The following NDRG2 variants were observed in gnomAD, a reference collection of about 807,000 sequenced individuals.
The protein encoded by NDRG2 is protein NDRG2.
In NDRG2, 34 loss-of-function variants were observed where a neutral mutation model predicts 58.2. The ratio of observed to expected loss-of-function variants is 0.58; its 90% CI spans 0.44 to 0.78. The LOEUF is 0.78. NDRG2 is among the 30% of genes least tolerant of loss of function. The probability of loss-of-function intolerance (pLI) is 0.00; values close to 1 mark genes in which losing one functional copy is unlikely to be tolerated. For synonymous variants in NDRG2, 187 were observed against 175.9 expected (o/e 1.06, Z -0.50); for missense variants, 434 against 471.2 (o/e 0.92, Z 0.73).
At chr14:21,063,771 TG>T (rs1319921540) in intron 1 of NDRG2, among the ~76,000 whole-genome samples, 4 of 152,218 alleles carry the variant, frequency 2.6e-5, no homozygotes, top group African/African-American at 7.2e-5. Flanking sequence ...AGCAAAGGGC[TG>T]GGGGTAGGAA....
intron 1 of NDRG2, among the ~76,000 whole-genome samples, chr14:21,068,604 G>A (rs1335312048): frequency 6.6e-6 from 1 of 152,050 alleles, no homozygotes; most frequent in Non-Finnish European, 1.5e-5. Flanking sequence ...CAGTATTTAC[G>A]GAATGGACAC....
rs1188953007 is a variant in NDRG2, at chr14:21,034,106, G to T, written c.25-10785C>A. 3.1e-6 allele frequency: 5 copies of T among 1,614,054 alleles called. 1 individual carries two copies. Among genetic ancestry groups the T allele is most frequent in the Middle Eastern group, 3.3e-4 (2 of 6,084 alleles). On this transcript the variant is annotated intron_variant, in intron 1 of 14. Transcript: ENST00000403829. ...TTGGGCAATCTGAATTTTGCATCTT[G>T]CCTCGCATATAGGACATCAGACCAT...
intron 1 of NDRG2, chr14:21,036,109 A>C: frequency 2.2e-6 from 1 of 445,414 alleles, no homozygotes; most frequent in Non-Finnish European, 4.5e-6. Context: ...CCTCAGTATG[A>C]GCCTGAGTCC....
At chr14:21,042,007 T>C (rs1038694714) in intron 1 of NDRG2, among the ~76,000 whole-genome samples, 2 of 152,206 alleles carry the variant, frequency 1.3e-5, no homozygotes, top group Non-Finnish European at 2.9e-5. Context: ...ACCACAGTGA[T>C]TGACTCTTCC....
intron 1 of NDRG2, chr14:21,031,034 A>T: frequency 6.2e-7 from 1 of 1,611,262 alleles, no homozygotes; most frequent in South Asian, 1.1e-5. Context: ...CCGAACCATC[A>T]CGTTTCAACA....
chr14:21,054,011 C>T (rs1594512168), intron 1 of NDRG2, among the ~76,000 whole-genome samples: 1 of 152,274 alleles, frequency 6.6e-6, no homozygotes, highest in African/African-American at 2.4e-5. Flanking sequence ...TACCACTAGA[C>T]TATTTTAACT....
chr14:21,046,951 G>A (rs1246555580), intron 1 of NDRG2: 1 of 152,478 alleles, frequency 6.6e-6, no homozygotes, highest in South Asian at 2.0e-4. Flanking sequence ...GAAGGAAGAG[G>A]AGGGGTTGGT....
intron 1 of NDRG2, chr14:21,032,977 G>A (rs1030772886): frequency 4.6e-5 from 21 of 456,134 alleles, no homozygotes; most frequent in Middle Eastern, 6.6e-4. Context: ...GATTAGAGCC[G>A]GGCCTGCCTC....
intron 1 of NDRG2, chr14:21,046,802 T>C (rs373951816): frequency 3.3e-5 from 5 of 151,676 alleles, no homozygotes; most frequent in Admixed American, 1.3e-4. Flanking sequence ...ATTCCTACAA[T>C]AAAGTAAGCT....
At chr14:21,050,800 A>G (rs1030102696) in intron 1 of NDRG2, among the ~76,000 whole-genome samples, 3 of 152,236 alleles carry the variant, frequency 2.0e-5, no homozygotes, top group Non-Finnish European at 2.9e-5. Context: ...ATTAGGAAAT[A>G]GTCACTGAAG....
At chr14:21,065,914 C>A (rs1886238738) in intron 1 of NDRG2, among the ~76,000 whole-genome samples, 1 of 152,170 alleles carries the variant, frequency 6.6e-6, no homozygotes, top group South Asian at 2.1e-4. Flanking sequence ...GCCTGGCCAA[C>A]ATGGTGAAAC....
intron 1 of NDRG2, among the ~76,000 whole-genome samples, chr14:21,039,480 A>T (rs1243829104): frequency 6.6e-6 from 1 of 152,170 alleles, no homozygotes; most frequent in African/African-American, 2.4e-5. Flanking sequence ...CTCCTGAACC[A>T]GTCCCTGGCC....
chr14:21,045,860 G>A lies in NDRG2; in HGVS notation c.25-22539C>T, dbSNP rs145428891. 2.0e-3 allele frequency among the ~76,000 whole-genome samples: 302 copies of A among 152,288 alleles called. 1 individual carries two copies. Among genetic ancestry groups the A allele is most frequent in the Middle Eastern group, 6.8e-3 (2 of 292 alleles). ...CTTGGGGAAGTATAACTGTGAAGGG[G>A]CATGGGGGAGCCTTCTGAGGACCTG... On this transcript the variant is annotated intron_variant, in intron 1 of 14. Coordinates refer to the NDRG2 transcript ENST00000403829.
intron 1 of NDRG2, among the ~76,000 whole-genome samples, chr14:21,038,861 G>A (rs980358385): frequency 6.6e-6 from 1 of 152,138 alleles, no homozygotes; most frequent in Non-Finnish European, 1.5e-5. Flanking sequence ...TGTCAGTGCT[G>A]CCTCCTCCTG....
chr14:21,047,236 C>T (rs370569476), intron 1 of NDRG2, among the ~76,000 whole-genome samples: 83 of 152,242 alleles, frequency 5.5e-4, no homozygotes, highest in African/African-American at 1.9e-3. Context: ...ATTTATACTT[C>T]CACTGGCTGG....
intron 13 of NDRG2, 102 bp from the exon 14 acceptor site, chr14:21,018,341 C>CT: frequency 4.4e-6 from 7 of 1,602,160 alleles, no homozygotes; most frequent in Non-Finnish European, 5.1e-6. Flanking sequence ...ACTCTAGCCC[C>CT]TTTGTTTTGT....
At chr14:21,034,394 A>G in intron 1 of NDRG2, 2 of 796,452 alleles carry the variant, frequency 2.5e-6, no homozygotes, top group Non-Finnish European at 4.0e-6. Context: ...AGTACTTTAG[A>G]GATCATCTCA....
intron 1 of NDRG2, among the ~76,000 whole-genome samples, chr14:21,062,807 T>A (rs932780251): frequency 6.6e-6 from 1 of 150,388 alleles, no homozygotes; most frequent in Admixed American, 6.6e-5. Context: ...AGTGGTGCGA[T>A]CTCAGCTCAC....
chr14:21,019,938 A>G lies in NDRG2; in HGVS notation c.594T>C (p.Leu198=), dbSNP rs764553876. The change falls in exon 9 of 16, where the codon CTT becomes CTC. Residue 198 remains leucine (L), a synonymous_variant. Transcript: ENST00000556147. ...GLTSSIPEMI[L]GHLFSQEELS... The stretch of plus-strand genomic sequence containing the variant: ...CACTTACCTGGCTGAAAAGATGTCC[A>G]AGGATCATCTCCGGAATGGAAGAGG... 8 of 1,614,086 alleles carry G rather than the reference A, an allele frequency of 5.0e-6. No individual in the cohort carries two copies. In the South Asian group the frequency reaches 7.7e-5, roughly 16 times the overall value.
Sources: gnomAD v4.1 joint callset for allele counts (sites outside exome capture counted in the v4.1 genomes callset) on GRCh38, gnomAD v4.1.1 for gene constraint, MANE v1.5 for transcripts, NCBI Gene and HGNC (gene_info 2026-07-23, HGNC 2026-07-21) for gene names.